FBXW8: variants seen among roughly 807,000 people sequenced by gnomAD.
FBXW8 encodes F-box and WD repeat domain containing 8, also known as F-box/WD repeat-containing protein 8.
A neutral mutation model predicts 65.3 loss-of-function variants in FBXW8; 57 were observed. The ratio of observed to expected loss-of-function variants is 0.87; its 90% CI spans 0.71 to 1.09. The LOEUF (loss-of-function observed/expected upper bound fraction) is 1.09. FBXW8 is among the 50% of genes least tolerant of loss of function. The pLI is 0.00. For synonymous variants in FBXW8, 308 were observed against 330.2 expected, an observed-to-expected ratio of 0.93 and a Z score of 0.73; for missense variants, 777 against 814.8, an observed-to-expected ratio of 0.95 and a Z score of 0.57.
At chr12:116,929,593 A>G (rs1288235072) in intron 2 of FBXW8, among the ~76,000 whole-genome samples, 2 of 152,162 alleles carry the variant, frequency 1.3e-5, no homozygotes, top group African/African-American at 2.4e-5. Flanking sequence ...ATAAAGTTAT[A>G]TATATGTATC....
intron 5 of FBXW8, among the ~76,000 whole-genome samples, chr12:116,972,499 C>T (rs1388853816): frequency 6.6e-6 from 1 of 152,096 alleles, no homozygotes; most frequent in African/African-American, 2.4e-5. Flanking sequence ...TGCTTGCCTG[C>T]CTTTTCATTC....
intron 8 of FBXW8, among the ~76,000 whole-genome samples, chr12:117,015,331 A>C (rs1433995446): frequency 6.6e-6 from 1 of 152,094 alleles, no homozygotes; most frequent in Admixed American, 6.5e-5. Context: ...TGTTTTGTCC[A>C]TAGGTTTTGC....
At chr12:116,968,132 T>C (rs749859803) in intron 5 of FBXW8, among the ~76,000 whole-genome samples, 9 of 148,258 alleles carry the variant, frequency 6.1e-5, no homozygotes, top group Non-Finnish European at 1.2e-4. Flanking sequence ...ACAATGTTAA[T>C]TTTTTAATCT....
rs535741063 is a variant in FBXW8, at chr12:116,974,270, A to G, written c.835+9416A>G. On this transcript the variant is annotated intron_variant, in intron 5 of 10. Transcript: ENST00000652555. Reference sequence around the variant, plus strand: ...GCTGAGTCCTACTCTGCACATGTGTAAGAGGAAATACCTGGATCAGGGAAA... The same window carrying G: ...GCTGAGTCCTACTCTGCACATGTGTGAGAGGAAATACCTGGATCAGGGAAA... Among the ~76,000 whole-genome samples the G allele has an allele frequency of 2.0e-5, 3 of 152,360 alleles. No individual in the cohort carries two copies. In the South Asian group the frequency reaches 6.2e-4, roughly 32 times the overall value.
chr12:116,912,752 C>T (rs1364633404), intron 1 of FBXW8, among the ~76,000 whole-genome samples: 1 of 152,166 alleles, frequency 6.6e-6, no homozygotes, highest in East Asian at 1.9e-4. Context: ...CGTGAGCCAC[C>T]GCGCCCGGCC....
intron 4 of FBXW8, among the ~76,000 whole-genome samples, chr12:116,955,539 C>T (rs1883588242): frequency 6.6e-6 from 1 of 152,142 alleles, no homozygotes; most frequent in Non-Finnish European, 1.5e-5. Flanking sequence ...TGTGTTTTAG[C>T]ACAGAGTTTG....
intron 5 of FBXW8, chr12:116,978,009 T>G (rs1373704458): frequency 6.6e-6 from 1 of 152,260 alleles, no homozygotes; most frequent in East Asian, 1.9e-4. Flanking sequence ...CTGCTTTGTT[T>G]ATGCCCTAAC....
chr12:117,027,259 C>T (rs1954253783), intron 9 of FBXW8, 135 bp from the exon 10 acceptor site: 5 of 693,264 alleles, frequency 7.2e-6, no homozygotes, highest in Non-Finnish European at 1.3e-5. Flanking sequence ...CCATGGGGGC[C>T]CTGTTCCCTC....
chr12:117,027,880 G>A (rs1208582142), intron 10 of FBXW8, 148 bp from the exon 11 acceptor site: 5 of 1,052,938 alleles, frequency 4.7e-6, no homozygotes, highest in African/African-American at 3.2e-5. Flanking sequence ...GGGACTGTGA[G>A]TATCTGACGC....
chr12:117,021,713 T>C (rs1954103623), intron 8 of FBXW8, among the ~76,000 whole-genome samples: 1 of 152,262 alleles, frequency 6.6e-6, no homozygotes, highest in Non-Finnish European at 1.5e-5. Context: ...CTGTCCCTTC[T>C]CACTGATAAG....
intron 5 of FBXW8, chr12:116,978,226 G>C (rs964568687): frequency 6.6e-6 from 1 of 152,178 alleles, no homozygotes; most frequent in African/African-American, 2.4e-5. Context: ...TGGTTTAGCT[G>C]TTCTTTATGA....
At position 116,917,918 on chromosome 12, in the gene FBXW8, G is replaced by A. The variant is rs578120749; in HGVS notation, c.318+6563G>A. 8.6e-5 allele frequency among the ~76,000 whole-genome samples: 13 copies of A among 151,466 alleles called. No individual in the cohort carries two copies. In the East Asian group the frequency reaches 2.5e-3, roughly 30 times the overall value. On this transcript the variant is annotated intron_variant, in intron 1 of 10. Transcript: ENST00000652555. ...GAGGCAGAAGAATTGCTTGAACCCG[G>A]GAAGCAGAGGTTGCAGTGAGCCGAG...
At position 116,941,198 on chromosome 12, in the gene FBXW8, G is replaced by A. The variant is rs1362398918; in HGVS notation, c.424-4166G>A. 2.0e-5 allele frequency among the ~76,000 whole-genome samples: 3 copies of A among 152,218 alleles called. No individual in the cohort carries two copies. The East Asian group carries it at 5.8e-4, about 29-fold the overall frequency. On this transcript the variant is annotated intron_variant, in intron 2 of 10. Coordinates refer to ENST00000652555, the MANE Select transcript of FBXW8 (RefSeq NM_153348.3). ...TCTCCACTGGAAGCATTGCAGGATT[G>A]CCTGGGCCCCATTGGCCAGGGATGC...
Position 117,027,459 on chromosome 12 carries a change from C to A in FBXW8, c.1607C>A (p.Thr536Lys). Residue 536 changes from threonine to lysine, a missense_variant, in exon 10 of 11, where the codon ACG becomes AAG. Coordinates refer to ENST00000652555, the MANE Select transcript of FBXW8 (RefSeq NM_153348.3). Reference protein sequence around the residue: ...SLITANVPYQTVMRNADLDSF... With the variant: ...SLITANVPYQKVMRNADLDSF... ...ATCACGGCCAACGTGCCTTACCAGACGGTAATGCGAAACGCCGACCTGGAC... is the reference window on the plus strand; with the variant it reads ...ATCACGGCCAACGTGCCTTACCAGAAGGTAATGCGAAACGCCGACCTGGAC... 1 of 1,614,112 alleles carries A rather than the reference C, an allele frequency of 6.2e-7. No individual in the cohort carries two copies. Among genetic ancestry groups the A allele is most frequent in the Non-Finnish European group, 8.5e-7 (1 of 1,180,008 alleles).
At chr12:117,010,013 C>G (rs967396611) in intron 7 of FBXW8, among the ~76,000 whole-genome samples, 1 of 152,222 alleles carries the variant, frequency 6.6e-6, no homozygotes, top group African/African-American at 2.4e-5. Flanking sequence ...GGTTTCCAGA[C>G]GGCTTTCTCT....
chr12:117,000,126 C>T (rs1218878148), intron 7 of FBXW8, among the ~76,000 whole-genome samples: 2 of 152,124 alleles, frequency 1.3e-5, no homozygotes, highest in African/African-American at 4.8e-5. Context: ...GGACTACAGG[C>T]GCCCGCCACC....
Position 116,936,257 on chromosome 12 carries a change from C to G in FBXW8, c.423+8130C>G, listed in dbSNP as rs1386667917. On this transcript the variant is annotated intron_variant, in intron 2 of 10. Transcript: ENST00000652555. The surrounding 1 kb of genome is among the most constrained non-coding windows in gnomAD (Gnocchi z 4.6). ...GACGAAGGACTTGAGGCAGACACAGCTGAAGCTCATCTGAGGCAGGGTGCG... is the reference window on the plus strand; with the variant it reads ...GACGAAGGACTTGAGGCAGACACAGGTGAAGCTCATCTGAGGCAGGGTGCG... 6.6e-6 allele frequency among the ~76,000 whole-genome samples: 1 copy of G among 152,178 alleles called. No individual in the cohort carries two copies. Among genetic ancestry groups the G allele is most frequent in the Non-Finnish European group, 1.5e-5 (1 of 68,026 alleles).
chr12:116,936,718 GT>G lies in FBXW8; in HGVS notation c.423+8595del, dbSNP rs1355229377. Reference sequence around the variant, plus strand: ...AACTATAAGCGAATAAATCTGTATTGTTTTAAGCAGCTAAGTTTGTAGTAGT... The same window carrying G: ...AACTATAAGCGAATAAATCTGTATTGTTTAAGCAGCTAAGTTTGTAGTAGT... On this transcript the variant is annotated intron_variant, in intron 2 of 10. Transcript: ENST00000652555. This position sits in a 1 kb window ranked among gnomAD's most constrained non-coding sequence, Gnocchi z 4.6. Among the ~76,000 whole-genome samples the G allele has an allele frequency of 6.6e-6, 1 of 152,180 alleles. No individual in the cohort carries two copies. Among genetic ancestry groups the G allele is most frequent in the African/African-American group, 2.4e-5 (1 of 41,430 alleles).
intron 8 of FBXW8, among the ~76,000 whole-genome samples, chr12:117,014,490 G>T (rs1344741786): frequency 2.0e-5 from 3 of 152,106 alleles, no homozygotes; most frequent in Non-Finnish European, 4.4e-5. Context: ...TTTGGTTTGG[G>T]GTATGTCAAG....
Sources: allele counts gnomAD v4.1 joint callset (sites outside exome capture counted in the v4.1 genomes callset), GRCh38; gene constraint gnomAD v4.1.1; non-coding constraint Gnocchi (gnomAD v3.1); transcripts MANE v1.5; gene names NCBI Gene and HGNC (gene_info 2026-07-23, HGNC 2026-07-21).